KAZN: variants seen among roughly 807,000 people sequenced by gnomAD.
KAZN encodes the protein kazrin.
Under a neutral mutation model 87.4 loss-of-function variants are expected in KAZN, and 40 were observed. That is an observed-to-expected ratio of 0.46 (90% CI 0.36 to 0.60). The LOEUF is 0.60. KAZN is among the 20% of genes least tolerant of loss of function. The pLI is 0.00. For synonymous variants in KAZN, 466 were observed against 458.3 expected, an observed-to-expected ratio of 1.02 and a Z score of -0.22; for missense variants, 898 against 1,073.9, an observed-to-expected ratio of 0.84 and a Z score of 2.29.
At chr1:14,376,987 A>T (rs370199659) in intron 2 of KAZN, among the ~76,000 whole-genome samples, 2 of 152,224 alleles carry the variant, frequency 1.3e-5, no homozygotes, top group Non-Finnish European at 2.9e-5. Flanking sequence ...TAATATCAAG[A>T]TCTTTCCTAT....
At chr1:14,783,980 G>A (rs1406471601) in intron 1 of KAZN, among the ~76,000 whole-genome samples, 1 of 152,120 alleles carries the variant, frequency 6.6e-6, no homozygotes, top group Non-Finnish European at 1.5e-5. Context: ...CCCTAAGAAG[G>A]GTTGTACCAG....
chr1:14,244,157 G>T (rs186617868), intron 2 of KAZN, among the ~76,000 whole-genome samples: 1 of 152,214 alleles, frequency 6.6e-6, no homozygotes, highest in Non-Finnish European at 1.5e-5. Flanking sequence ...CCTCTTTTCA[G>T]TTCCTTGAAA....
intron 2 of KAZN, among the ~76,000 whole-genome samples, chr1:14,195,261 C>T (rs1044597614): frequency 2.0e-5 from 3 of 152,070 alleles, no homozygotes; most frequent in African/African-American, 7.3e-5. Context: ...TTTACTCTTC[C>T]AGAGCCCAGG....
chr1:14,707,909 A>C (rs1185322384), intron 1 of KAZN, among the ~76,000 whole-genome samples: 1 of 152,240 alleles, frequency 6.6e-6, no homozygotes, highest in Non-Finnish European at 1.5e-5. Flanking sequence ...CTGGAAGTGC[A>C]GAAAAGAATA....
At chr1:14,999,981 A>T (rs76988519) in intron 2 of KAZN, among the ~76,000 whole-genome samples, 6,052 of 152,292 alleles carry the variant, frequency 0.04, 327 homozygotes, top group African/African-American at 0.12. Flanking sequence ...GATGTCCATG[A>T]TATAATCCCT....
chr1:14,097,537 C>T (rs562089150), intron 1 of KAZN, among the ~76,000 whole-genome samples: 182 of 152,178 alleles, frequency 1.2e-3, no homozygotes, highest in African/African-American at 3.9e-3. Flanking sequence ...TTTCTATCTA[C>T]CTGAAAGGCA....
rs6693320 is a variant in KAZN at position 15,094,120 on chromosome 1, G to C, written c.1223-60G>C. ...CCTCTGCCTCCCGGGGGTATGGCCT[G>C]CCCAGCCCCTGCCCCCAGCAGCCTC... is the stretch of plus-strand genomic sequence containing the variant. On this transcript the variant is annotated intron_variant, in intron 8 of 14. Transcript: ENST00000376030. The surrounding 1 kb of genome is among the most constrained non-coding windows in gnomAD (Gnocchi z 4.5). 188,729 of 1,526,014 alleles carry C rather than the reference G, an allele frequency of 0.12. 12,686 individuals are homozygous for C. The highest frequency in any genetic ancestry group is 0.24 in the East Asian group (10,680 of 43,752). The allele number at this position is 1,526,014 out of a possible 1,614,324, so 94.5% of individuals were successfully genotyped here.
rs1396459702 is a variant in KAZN at position 15,034,877 on chromosome 1, C to A, written c.547C>A (p.His183Asn). Residue 183 changes from histidine (H) to asparagine (N), a missense_variant, in exon 3 of 15, where the codon CAC becomes AAC. Transcript: ENST00000376030. ...LRDFIRNYEQHRKESEDAVKA... is the reference protein window; with the variant it reads ...LRDFIRNYEQNRKESEDAVKA... ...AGACTTCATCCGCAACTATGAGCAG[C>A]ACCGCAAGGTCAGCCGCCGCCCTGC... 11 of 1,613,692 alleles carry A rather than the reference C, an allele frequency of 6.8e-6. No individual in the cohort carries two copies. The highest frequency in any genetic ancestry group is 2.7e-5 in the African/African-American group (2 of 74,898).
intron 2 of KAZN, among the ~76,000 whole-genome samples, chr1:15,015,132 T>TTTTATTTATTTATTTA (rs149046122): frequency 2.7e-5 from 4 of 149,320 alleles, no homozygotes; most frequent in African/African-American, 9.9e-5. Context: ...AGTTTTTTCT[T>TTTTATTTATTTATTTA]TTTATTTATT....
At chr1:14,335,207 T>C (rs1657163403) in intron 2 of KAZN, among the ~76,000 whole-genome samples, 1 of 150,450 alleles carries the variant, frequency 6.6e-6, no homozygotes, top group Non-Finnish European at 1.5e-5. Context: ...TCCTTTCTTT[T>C]TTTTTTTTTT....
chr1:14,201,960 G>A (rs1247789664), intron 2 of KAZN, among the ~76,000 whole-genome samples: 1 of 152,196 alleles, frequency 6.6e-6, no homozygotes, highest in Admixed American at 6.5e-5. Context: ...GAGCCACTGC[G>A]CCTGGCCCCT....
chr1:14,689,150 G>C (rs1032101621), intron 1 of KAZN, among the ~76,000 whole-genome samples: 1 of 152,108 alleles, frequency 6.6e-6, no homozygotes, highest in Non-Finnish European at 1.5e-5. Flanking sequence ...AGCCGAGATC[G>C]TGCCACTGCA....
chr1:14,345,284 G>A (rs546491196), intron 2 of KAZN, among the ~76,000 whole-genome samples: 7 of 152,276 alleles, frequency 4.6e-5, no homozygotes, highest in Admixed American at 3.3e-4. Flanking sequence ...CTTTAGCAGC[G>A]TCAGCATCAG....
chr1:14,855,179 C>T (rs1004428607), intron 1 of KAZN, among the ~76,000 whole-genome samples: 4 of 152,196 alleles, frequency 2.6e-5, no homozygotes, highest in Admixed American at 6.5e-5. Flanking sequence ...ACCTGCTAAA[C>T]TGATTAGGAC....
chr1:15,116,317 G>C lies in KAZN; in HGVS notation c.*1682G>C, dbSNP rs1202556471. ...TGTTTCCTCTCATGGGGGAAGCCGA[G>C]CTCTGATGAACTTGAGAATTACACC... On this transcript the variant is annotated 3_prime_UTR_variant, in exon 15 of 15. Coordinates refer to ENST00000376030, the MANE Select transcript of KAZN (RefSeq NM_201628.3). 1 of 152,200 alleles carries C rather than the reference G, an allele frequency of 6.6e-6. No homozygotes were observed. Among genetic ancestry groups the C allele is most frequent in the African/African-American group, 2.4e-5 (1 of 41,434 alleles). 9.4% of individuals were successfully genotyped at this position (152,200 alleles called of 1,614,324 possible).
chr1:14,040,789 T>TAAATTAAAATAAAATA (rs1557426853), intron 1 of KAZN, among the ~76,000 whole-genome samples: 1 of 124,258 alleles, frequency 8.0e-6, no homozygotes, highest in Non-Finnish European at 1.9e-5. Flanking sequence ...AAAATAAAAT[T>TAAATTAAAATAAAATA]AAATTAAATT....
intron 1 of KAZN, among the ~76,000 whole-genome samples, chr1:14,653,979 A>T (rs1305427443): frequency 6.6e-6 from 1 of 152,112 alleles, no homozygotes; most frequent in African/African-American, 2.4e-5. Flanking sequence ...TCTCCCCACA[A>T]TTATAACAAC....
intron 1 of KAZN, among the ~76,000 whole-genome samples, chr1:14,111,790 A>T (rs986677997): frequency 6.9e-6 from 1 of 145,330 alleles, no homozygotes; most frequent in Non-Finnish European, 1.5e-5. Flanking sequence ...CCCAGGCTGC[A>T]GTGCAGTGGC....
At chr1:14,527,352 C>T (rs1440173439) in intron 2 of KAZN, among the ~76,000 whole-genome samples, 1 of 152,126 alleles carries the variant, frequency 6.6e-6, no homozygotes, top group Non-Finnish European at 1.5e-5. Context: ...AGTTCGAGAC[C>T]AGCCTGGCCA....
Sources: gnomAD v4.1 joint callset for allele counts (sites outside exome capture counted in the v4.1 genomes callset) on GRCh38, gnomAD v4.1.1 for gene constraint, Gnocchi (gnomAD v3.1) non-coding constraint, MANE v1.5 for transcripts, NCBI Gene and HGNC (gene_info 2026-07-23, HGNC 2026-07-21) for gene names.